The following DIAPH2 variants were observed in gnomAD, a reference collection of about 807,000 sequenced individuals.
DIAPH2 encodes the protein diaphanous related formin 2.
A neutral mutation model predicts 92.7 loss-of-function variants in DIAPH2; 35 were observed. The observed-to-expected ratio is 0.38, with a 90% CI of 0.29 to 0.50. The LOEUF (loss-of-function observed/expected upper bound fraction) is 0.50, where lower values mean the gene tolerates loss of function less well. Ranked by LOEUF, DIAPH2 falls within the 20% of genes least tolerant of loss-of-function variation. The probability of loss-of-function intolerance (pLI) is 0.94; values close to 1 mark genes in which losing one functional copy is unlikely to be tolerated. For synonymous variants in DIAPH2, 301 were observed against 280.4 expected (o/e 1.07, Z -0.73); for missense variants, 701 against 819.5 (o/e 0.86, Z 1.77).
At chrX:96,935,128 A>G (rs769432777) in intron 10 of DIAPH2, among the ~76,000 whole-genome samples, 2 of 111,982 alleles carry the variant, frequency 1.8e-5, no homozygotes, top group Non-Finnish European at 3.8e-5. Context: ...AGTGTTTCAC[A>G]TAATTAATAA....
At position 97,327,306 on chromosome X, in the gene DIAPH2, C is replaced by T. The variant is rs182896287; in HGVS notation, c.2845-20810C>T. Among the ~76,000 whole-genome samples, 233 of 110,639 alleles carry T rather than the reference C, an allele frequency of 2.1e-3. 2 individuals are homozygous for T. Among genetic ancestry groups the T allele is most frequent in the African/African-American group, 7.1e-3 (217 of 30,402 alleles). On this transcript the variant is annotated intron_variant, in intron 23 of 26. Transcript: ENST00000324765. ...TAGAGACAGGGTTTCACCATGTTGG[C>T]CAGGCTGGTCTCAAACTACTGACCT...
At chrX:96,996,323 T>A (rs2066104768) in intron 17 of DIAPH2, among the ~76,000 whole-genome samples, 1 of 112,277 alleles carries the variant, frequency 8.9e-6, no homozygotes, top group African/African-American at 3.2e-5. Flanking sequence ...TTCATAAAAG[T>A]TATGTTAGTA....
chrX:97,178,752 G>A (rs781440258), intron 22 of DIAPH2, among the ~76,000 whole-genome samples: 4 of 111,174 alleles, frequency 3.6e-5, no homozygotes, highest in East Asian at 5.6e-4. Context: ...AAATGTAATC[G>A]TCAATGTGAT....
At chrX:97,264,160 CT>C (rs2068314797) in intron 23 of DIAPH2, among the ~76,000 whole-genome samples, 1 of 110,926 alleles carries the variant, frequency 9.0e-6, no homozygotes, top group Middle Eastern at 4.6e-3. Context: ...TCAACTACAT[CT>C]TAATGATCTT....
At chrX:96,702,798 G>A (rs1344556594) in intron 1 of DIAPH2, among the ~76,000 whole-genome samples, 1 of 111,712 alleles carries the variant, frequency 9.0e-6, no homozygotes, top group Non-Finnish European at 1.9e-5. Flanking sequence ...GCCCTCTTCC[G>A]AGTTGCAAAC....
chrX:96,779,296 A>G (rs181767095), intron 4 of DIAPH2, among the ~76,000 whole-genome samples: 70 of 112,049 alleles, frequency 6.2e-4, no homozygotes, highest in Non-Finnish European at 1.1e-3. Flanking sequence ...AATCCATTCA[A>G]TTGTTTACTG....
chrX:97,082,685 G>A (rs1208295793), intron 19 of DIAPH2, among the ~76,000 whole-genome samples: 1 of 111,088 alleles, frequency 9.0e-6, no homozygotes, highest in African/African-American at 3.3e-5. Context: ...TTGGTAAGTG[G>A]CCTCTTTTTC....
At chrX:97,556,660 A>G (rs1425716470) in intron 26 of DIAPH2, among the ~76,000 whole-genome samples, 1 of 111,621 alleles carries the variant, frequency 9.0e-6, no homozygotes, top group Non-Finnish European at 1.9e-5. Context: ...TAATGACACC[A>G]GTCACTGGAT....
rs2069622083 is a variant in DIAPH2 at position 97,388,443 on chromosome X, C to G, written c.3145+4399C>G. Among the ~76,000 whole-genome samples, 3 of 111,851 alleles carry G rather than the reference C, an allele frequency of 2.7e-5. 1 individual carries two copies. In the South Asian group the frequency reaches 1.1e-3, roughly 42 times the overall value. On this transcript the variant is annotated intron_variant, in intron 25 of 26. Transcript: ENST00000324765. Reference sequence around the variant, plus strand: ...CATAGCTCACTGCAGCCTCAAACTCCTAGGCAGAAGCAATCCTCCTCCCTC... The same window carrying G: ...CATAGCTCACTGCAGCCTCAAACTCGTAGGCAGAAGCAATCCTCCTCCCTC...
rs1449990100 is a variant in DIAPH2 at position 97,417,368 on chromosome X, TCACACATACACACACACACACACA to T, written c.3146-12258_3146-12235del. Among the ~76,000 whole-genome samples, 643 of 105,195 alleles carry T rather than the reference TCACACATACACACACACACACACA, an allele frequency of 6.1e-3. 7 individuals carry two copies. The highest frequency in any genetic ancestry group is 0.022 in the African/African-American group (608 of 27,500). The allele number at this position is 105,195 out of a possible 115,157, so 91.3% of individuals were successfully genotyped here. ...AGTGTGCATTCAAAAAATAGGGTGG[TCACACATACACACACACACACACA>T]CACACATACACACACACACACACGA... On this transcript the variant is annotated intron_variant, in intron 25 of 26. Coordinates refer to ENST00000324765, the MANE Select transcript of DIAPH2 (RefSeq NM_006729.5).
intron 17 of DIAPH2, among the ~76,000 whole-genome samples, chrX:97,067,261 A>T (rs2066640153): frequency 1.8e-5 from 2 of 112,355 alleles, no homozygotes; most frequent in South Asian, 3.7e-4. Flanking sequence ...ATTTTTAATT[A>T]TTCTTTTCCA....
intron 22 of DIAPH2, among the ~76,000 whole-genome samples, chrX:97,185,479 A>ATGTG (rs2067592039): frequency 1.7e-3 from 5 of 2,960 alleles, no homozygotes; most frequent in Non-Finnish European, 5.7e-3. Context: ...ATACACATAT[A>ATGTG]TATATATATA....
intron 22 of DIAPH2, among the ~76,000 whole-genome samples, chrX:97,233,640 G>A (rs1011308046): frequency 8.9e-6 from 1 of 111,861 alleles, no homozygotes; most frequent in Non-Finnish European, 1.9e-5. Context: ...GGACTCCTCC[G>A]TGTTATTTTC....
At chrX:97,225,609 C>T (rs1412674972) in intron 22 of DIAPH2, among the ~76,000 whole-genome samples, 2 of 111,740 alleles carry the variant, frequency 1.8e-5, no homozygotes, top group Non-Finnish European at 3.8e-5. Context: ...CTCATATCCA[C>T]TAGAAATGTT....
At position 96,913,243 on chromosome X, in the gene DIAPH2, T is replaced by C. The variant is rs146536916; in HGVS notation, c.732+691T>C. On this transcript the variant is annotated intron_variant, in intron 7 of 26. Transcript: ENST00000324765. ...AAAAAGTGTATTTGACTCTTGTCTA[T>C]AATTTAGAAATGCTGTGTCTGATTC... 6.7e-3 allele frequency among the ~76,000 whole-genome samples: 744 copies of C among 111,723 alleles called. 5 individuals are homozygous for C. The highest frequency in any genetic ancestry group is 0.042 in the Middle Eastern group (9 of 215).
intron 21 of DIAPH2, among the ~76,000 whole-genome samples, chrX:97,125,592 G>A (rs1291542787): frequency 1.8e-5 from 2 of 108,338 alleles, no homozygotes; most frequent in Non-Finnish European, 3.8e-5. Context: ...GTATAGAACT[G>A]TAATGAAGGG....
intron 25 of DIAPH2, among the ~76,000 whole-genome samples, chrX:97,428,139 T>A: frequency 8.9e-6 from 1 of 111,910 alleles, no homozygotes; most frequent in Non-Finnish European, 1.9e-5. Flanking sequence ...CTAGAGAGTT[T>A]ATTTTAAAAG....
chrX:96,952,618 C>T (rs986913990), intron 15 of DIAPH2, among the ~76,000 whole-genome samples: 2 of 110,194 alleles, frequency 1.8e-5, no homozygotes, highest in African/African-American at 6.6e-5. Context: ...GCCTGTAATC[C>T]CAGCTACTCG....
chrX:96,722,389 A>G (rs966684822), intron 1 of DIAPH2, among the ~76,000 whole-genome samples: 2 of 110,154 alleles, frequency 1.8e-5, no homozygotes, highest in Non-Finnish European at 1.9e-5. Flanking sequence ...TCATTCATTC[A>G]TTCGTTCCCT....
Sources: allele counts gnomAD v4.1 joint callset (sites outside exome capture counted in the v4.1 genomes callset), GRCh38; gene constraint gnomAD v4.1.1; transcripts MANE v1.5; gene names NCBI Gene and HGNC (gene_info 2026-07-23, HGNC 2026-07-21).